The following ABCA5 variants were observed in gnomAD, a reference collection of about 807,000 sequenced individuals.
ABCA5 encodes ATP binding cassette subfamily A member 5.
In ABCA5, 163 loss-of-function variants were observed where a neutral mutation model predicts 206.0. The observed-to-expected ratio is 0.79, with a 90% CI of 0.70 to 0.90. The LOEUF is 0.90. Ranked by LOEUF, ABCA5 falls within the 40% of genes least tolerant of loss-of-function variation. The pLI, the probability that ABCA5 is intolerant of heterozygous loss-of-function variation, is 0.00. For synonymous variants in ABCA5, 609 were observed against 613.8 expected (o/e 0.99, Z 0.11); for missense variants, 1,859 against 1,912.9 (o/e 0.97, Z 0.53).
At chr17:69,306,647 T>C (rs1352003367) in intron 6 of ABCA5, 78 bp downstream of exon 6, 1 of 707,638 alleles carries the variant, frequency 1.4e-6, no homozygotes, top group African/African-American at 1.9e-5. Context: ...TAGGTAAATA[T>C]CAAAATTACA....
At chr17:69,299,148 G>A (rs986629242) in intron 9 of ABCA5, among the ~76,000 whole-genome samples, 5 of 151,928 alleles carry the variant, frequency 3.3e-5, no homozygotes, top group South Asian at 2.1e-4. Flanking sequence ...GGCCATTATC[G>A]AAACATCAAA....
intron 1 of ABCA5, among the ~76,000 whole-genome samples, chr17:69,321,464 C>T (rs1431013503): frequency 6.6e-6 from 1 of 152,176 alleles, no homozygotes; most frequent in Non-Finnish European, 1.5e-5. Flanking sequence ...TACATTTCCT[C>T]TTTCTATACT....
At chr17:69,286,102 G>A in intron 16 of ABCA5, 65 bp from the exon 17 acceptor site, 1 of 1,564,180 alleles carries the variant, frequency 6.4e-7, no homozygotes, top group Admixed American at 1.9e-5. Context: ...AATTATGAAG[G>A]CTTTAAATTA....
At chr17:69,291,722 T>C (rs1219925721) in intron 11 of ABCA5, among the ~76,000 whole-genome samples, 1 of 152,112 alleles carries the variant, frequency 6.6e-6, no homozygotes, top group African/African-American at 2.4e-5. Flanking sequence ...CTTGAAAGGT[T>C]AGATTTAATG....
chr17:69,270,596 T>C lies in ABCA5; in HGVS notation c.3030+17A>G, dbSNP rs1329126485. The C allele has an allele frequency of 1.9e-6, 3 of 1,574,828 alleles. No homozygotes were observed. Among genetic ancestry groups the C allele is most frequent in the East Asian group, 2.3e-5 (1 of 43,442 alleles). On this transcript the variant is annotated intron_variant, in intron 22 of 38. Transcript: ENST00000392676. ...TGACATGCATATGGAAATTTATCTG[T>C]ATATACATTGGCTTACTTGAAAGAA...
chr17:69,258,312 C>T (rs1337590772), intron 28 of ABCA5, among the ~76,000 whole-genome samples: 2 of 152,074 alleles, frequency 1.3e-5, no homozygotes, highest in Non-Finnish European at 2.9e-5. Context: ...AAATATGGTA[C>T]ATATACACCA....
At chr17:69,254,282 G>C in intron 32 of ABCA5, 33 bp downstream of exon 32, 2 of 1,529,396 alleles carry the variant, frequency 1.3e-6, no homozygotes, top group Non-Finnish European at 1.8e-6. Flanking sequence ...TTTCCTCTAA[G>C]TAACAAAAGG....
At chr17:69,272,450 T>G (rs17686383) in intron 20 of ABCA5, among the ~76,000 whole-genome samples, 3,152 of 152,090 alleles carry the variant, frequency 0.021, 47 homozygotes, top group Non-Finnish European at 0.032. Context: ...ATACTAGAAT[T>G]TCTGCAGATC....
At chr17:69,286,617 T>C (rs893722048) in intron 15 of ABCA5, among the ~76,000 whole-genome samples, 3 of 152,334 alleles carry the variant, frequency 2.0e-5, no homozygotes, top group Non-Finnish European at 2.9e-5. Context: ...ATATTTTTCC[T>C]AAAAGGCTTA....
intron 1 of ABCA5, among the ~76,000 whole-genome samples, chr17:69,320,944 C>G (rs1241089981): frequency 6.6e-6 from 1 of 151,952 alleles, no homozygotes; most frequent in African/African-American, 2.4e-5. Context: ...CATTGTCTCT[C>G]GACAATTGGT....
chr17:69,302,886 C>A lies in ABCA5; in HGVS notation c.951G>T (p.Leu317=). ...GTTTTGATTTTTTAAAAAGAGGTGT[C>A]AGCATTAAAGCAAAAAATACCTATA... ...GLSSVFFALM[L]TPLFKKSKHV... is the part of the protein sequence containing the mutation. Residue 317 remains leucine, a synonymous_variant, in exon 8 of 39, where the codon CTG becomes CTT. Coordinates refer to ENST00000392676, the MANE Select transcript of ABCA5 (RefSeq NM_172232.4). 4 of 1,543,590 alleles carry A rather than the reference C, an allele frequency of 2.6e-6. No homozygotes were observed. The highest frequency in any genetic ancestry group is 2.5e-5 in the South Asian group (2 of 78,970).
At chr17:69,318,668 T>A in intron 1 of ABCA5, 1 of 418,336 alleles carries the variant, frequency 2.4e-6, no homozygotes. Flanking sequence ...GAATAGAAGA[T>A]ACATTAAAAT....
intron 11 of ABCA5, among the ~76,000 whole-genome samples, chr17:69,294,403 T>C (rs1044382662): frequency 2.0e-5 from 3 of 152,004 alleles, no homozygotes; most frequent in African/African-American, 7.3e-5. Flanking sequence ...ACACCTGTAA[T>C]CCCACCTACT....
Position 69,318,668 on chromosome 17 carries a change from T to C in ABCA5, c.-15-4238A>G, listed in dbSNP as rs186287545. 1.7e-4 allele frequency: 73 copies of C among 418,336 alleles called. 2 individuals carry two copies. The highest frequency in any genetic ancestry group is 1.7e-3 in the East Asian group (36 of 21,708). 25.9% of individuals were successfully genotyped at this position (418,336 alleles called of 1,614,324 possible). A position where few individuals can be genotyped will look rare whatever the true frequency, so the allele number is the denominator to read the frequency against. On this transcript the variant is annotated intron_variant, in intron 1 of 38. Coordinates refer to ENST00000392676, the MANE Select transcript of ABCA5 (RefSeq NM_172232.4). ...AACAAAAGCAGTCAAGAATAGAAGA[T>C]ACATTAAAATAAATTCTTCCAGCAT...
rs1367798784 is a variant in ABCA5, at chr17:69,289,967, G to A, written c.1677C>T (p.Gly559=). Residue 559 remains glycine (G), a synonymous_variant, in exon 13 of 39, where the codon GGC becomes GGT. Coordinates refer to ENST00000392676, the MANE Select transcript of ABCA5 (RefSeq NM_172232.4). ...AGTGTATATCTAACTGTGGACAAAT[G>A]CCAATCATTTTTCTTGCTTCAAACA... The part of the protein sequence containing the change: ...DEMFEARKMI[G]ICPQLDIHFD... 1 of 1,612,110 alleles carries A rather than the reference G, an allele frequency of 6.2e-7. No individual in the cohort carries two copies.
chr17:69,272,488 T>C (rs2075283547), intron 20 of ABCA5, among the ~76,000 whole-genome samples: 1 of 151,952 alleles, frequency 6.6e-6, no homozygotes, highest in Non-Finnish European at 1.5e-5. Flanking sequence ...AGCAAAAAGA[T>C]ATGATTTGAA....
intron 23 of ABCA5, among the ~76,000 whole-genome samples, chr17:69,266,565 A>G (rs1249781754): frequency 6.9e-6 from 1 of 145,552 alleles, no homozygotes; most frequent in Non-Finnish European, 1.5e-5. Context: ...CTTAAAGTAT[A>G]ATAAAAATAT....
In ABCA5 at chr17:69,244,938, GTTATA is replaced by G. The variant is rs1383880803; in HGVS notation, c.*2594_*2598del. The G allele has an allele frequency of 6.7e-6, 1 of 149,502 alleles. No individual in the cohort carries two copies. Among genetic ancestry groups the G allele is most frequent in the Non-Finnish European group, 1.5e-5 (1 of 67,328 alleles). 9.3% of individuals were successfully genotyped at this position (149,502 alleles called of 1,614,324 possible). ...AATATATTATATATATTTTATGTAA[GTTATA>G]TAAGTATCTATCTTACAGATCTCCA... On this transcript the variant is annotated 3_prime_UTR_variant, in exon 39 of 39. Transcript: ENST00000392676.
intron 11 of ABCA5, among the ~76,000 whole-genome samples, chr17:69,293,508 G>C (rs1178697072): frequency 6.6e-6 from 1 of 152,152 alleles, no homozygotes; most frequent in Non-Finnish European, 1.5e-5. Flanking sequence ...TGTAGAAGTT[G>C]CTGTAGATGT....
Sources: allele counts gnomAD v4.1 joint callset (sites outside exome capture counted in the v4.1 genomes callset), GRCh38; gene constraint gnomAD v4.1.1; transcripts MANE v1.5; gene names NCBI Gene and HGNC (gene_info 2026-07-23, HGNC 2026-07-21).